PCCA: variants seen among roughly 807,000 people sequenced by gnomAD.
PCCA encodes the protein propionyl-CoA carboxylase alpha chain, mitochondrial.
In PCCA, 74 loss-of-function variants were observed where a neutral mutation model predicts 101.3. The ratio of observed to expected loss-of-function variants is 0.73; its 90% CI spans 0.61 to 0.89. The LOEUF is 0.89. Among genes scored for constraint, PCCA ranks in the 40% least tolerant of loss-of-function variants. The probability of loss-of-function intolerance (pLI) is 0.00; values close to 1 mark genes in which losing one functional copy is unlikely to be tolerated. For synonymous variants in PCCA, 294 were observed against 313.6 expected, an observed-to-expected ratio of 0.94 and a Z score of 0.66; for missense variants, 891 against 907.0, an observed-to-expected ratio of 0.98 and a Z score of 0.23.
intron 19 of PCCA, among the ~76,000 whole-genome samples, chr13:100,407,503 A>G (rs2077754929): frequency 6.6e-6 from 1 of 152,236 alleles, no homozygotes; most frequent in African/African-American, 2.4e-5. Context: ...GCCCTTTACG[A>G]ATTTTGCCAA....
At chr13:100,387,233 G>C (rs1294962428) in intron 19 of PCCA, among the ~76,000 whole-genome samples, 1 of 152,186 alleles carries the variant, frequency 6.6e-6, no homozygotes, top group African/African-American at 2.4e-5. Context: ...AAAAAGCAAA[G>C]AAAGAGCAGT....
chr13:100,418,297 C>T (rs1041823118), intron 19 of PCCA, among the ~76,000 whole-genome samples: 4 of 152,172 alleles, frequency 2.6e-5, no homozygotes, highest in African/African-American at 7.2e-5. Flanking sequence ...AGTTAACATG[C>T]GTCTGCTGGT....
intron 7 of PCCA, among the ~76,000 whole-genome samples, chr13:100,210,529 G>A (rs948800110): frequency 6.6e-6 from 1 of 152,158 alleles, no homozygotes; most frequent in African/African-American, 2.4e-5. Context: ...CATGTTTCTG[G>A]TGAAAGTGGT....
At chr13:100,478,005 G>C (rs756820958) in intron 21 of PCCA, among the ~76,000 whole-genome samples, 4 of 152,220 alleles carry the variant, frequency 2.6e-5, no homozygotes, top group Admixed American at 6.5e-5. Context: ...TGGATGTGGC[G>C]AGCTCGAGCT....
At chr13:100,359,107 AAAAAG>A (rs1369649774) in intron 18 of PCCA, among the ~76,000 whole-genome samples, 1 of 151,608 alleles carries the variant, frequency 6.6e-6, no homozygotes, top group Admixed American at 6.6e-5. Flanking sequence ...AAAAAAAAAA[AAAAAG>A]AAAAAGAAAA....
chr13:100,115,256 G>T (rs1418139702), intron 4 of PCCA, among the ~76,000 whole-genome samples: 5 of 152,044 alleles, frequency 3.3e-5, no homozygotes, highest in South Asian at 2.1e-4. Context: ...GTAGAAGGAT[G>T]GTTACCAGAG....
chr13:100,500,740 CA>C, intron 21 of PCCA, among the ~76,000 whole-genome samples: 1 of 152,340 alleles, frequency 6.6e-6, no homozygotes, highest in South Asian at 2.1e-4. Context: ...GGGACAGCAA[CA>C]TTGAGGCCAG....
chr13:100,137,836 G>A (rs1049835168), intron 4 of PCCA, among the ~76,000 whole-genome samples: 3 of 149,798 alleles, frequency 2.0e-5, no homozygotes, highest in African/African-American at 4.9e-5. Flanking sequence ...TCGAGACAGG[G>A]TCTCACTCTG....
intron 21 of PCCA, among the ~76,000 whole-genome samples, chr13:100,479,313 G>A (rs1394106358): frequency 6.6e-6 from 1 of 152,188 alleles, no homozygotes; most frequent in Admixed American, 6.5e-5. Flanking sequence ...TGGGGTACAA[G>A]TGTGCTGACC....
chr13:100,208,217 C>G (rs1447993726), intron 6 of PCCA, among the ~76,000 whole-genome samples: 1 of 152,056 alleles, frequency 6.6e-6, no homozygotes. Context: ...CTTCTACTTC[C>G]TGCTCGGGGT....
At chr13:100,264,585 C>T (rs2062806911) in intron 10 of PCCA, among the ~76,000 whole-genome samples, 1 of 152,118 alleles carries the variant, frequency 6.6e-6, no homozygotes, top group Admixed American at 6.5e-5. Flanking sequence ...AAGAATTGCT[C>T]TGTGATCTCC....
At chr13:100,408,312 T>C (rs1030557807) in intron 19 of PCCA, among the ~76,000 whole-genome samples, 4 of 152,196 alleles carry the variant, frequency 2.6e-5, no homozygotes, top group African/African-American at 9.6e-5. Context: ...AAAAGCAGCT[T>C]GTAACCTCAA....
chr13:100,397,680 C>G (rs564217807), intron 19 of PCCA, among the ~76,000 whole-genome samples: 8 of 152,178 alleles, frequency 5.3e-5, no homozygotes, highest in African/African-American at 1.7e-4. Context: ...TGGCTTTGAG[C>G]ATGGCTGTGT....
intron 4 of PCCA, among the ~76,000 whole-genome samples, chr13:100,126,655 G>C (rs1367300628): frequency 1.3e-5 from 2 of 152,118 alleles, no homozygotes. Flanking sequence ...AGAAATGCTA[G>C]AAATGTATGT....
rs938814958 is a variant in PCCA at position 100,487,773 on chromosome 13, G to A, written c.1900-27654G>A. Among the ~76,000 whole-genome samples the A allele has an allele frequency of 3.9e-5, 6 of 152,150 alleles. No individual in the cohort carries two copies. The South Asian group carries it at 8.3e-4, about 21-fold the overall frequency. On this transcript the variant is annotated intron_variant, in intron 21 of 23. Coordinates refer to ENST00000376285, the MANE Select transcript of PCCA (RefSeq NM_000282.4). ...AGGGTCTCCCTCTGTCACCCAGGCT[G>A]GAGTGCAGTGGCAGGATCATAGCTC...
Position 100,127,544 on chromosome 13 carries a change from C to T in PCCA, c.300+15483C>T, listed in dbSNP as rs78555782. On this transcript the variant is annotated intron_variant, in intron 4 of 23. Transcript: ENST00000376285. ...AATCATGGATTTATTTTTCTCTAAG[C>T]AGCTATTTGGGAAGGATCAGAAGTC... 9.6e-3 allele frequency among the ~76,000 whole-genome samples: 1,455 copies of T among 152,170 alleles called. 35 individuals carry two copies. The highest frequency in any genetic ancestry group is 0.033 in the African/African-American group (1,364 of 41,514).
intron 19 of PCCA, among the ~76,000 whole-genome samples, chr13:100,400,630 C>T (rs78614384): frequency 0.25 from 22,600 of 88,886 alleles, 3,872 homozygotes; most frequent in East Asian, 0.48. Flanking sequence ...CTTTTTAGTT[C>T]TTTTTTTTTT....
intron 4 of PCCA, among the ~76,000 whole-genome samples, chr13:100,121,153 G>GTTTT (rs747251831): frequency 3.0e-5 from 3 of 99,462 alleles, no homozygotes; most frequent in African/African-American, 4.0e-5. Context: ...GATTTCTTAG[G>GTTTT]TTTTTTTTTT....
At chr13:100,481,409 T>C (rs891374162) in intron 21 of PCCA, among the ~76,000 whole-genome samples, 1 of 151,976 alleles carries the variant, frequency 6.6e-6, no homozygotes, top group African/African-American at 2.4e-5. Context: ...AACACAAAAA[T>C]TCACCGGTCA....
Sources: gnomAD v4.1 joint callset for allele counts (sites outside exome capture counted in the v4.1 genomes callset) on GRCh38, gnomAD v4.1.1 for gene constraint, MANE v1.5 for transcripts, NCBI Gene and HGNC (gene_info 2026-07-23, HGNC 2026-07-21) for gene names.